TMTC2: variants seen among roughly 807,000 people sequenced by gnomAD.
TMTC2 encodes the protein transmembrane O-mannosyltransferase targeting cadherins 2.
In TMTC2, 43 loss-of-function variants were observed where a neutral mutation model predicts 82.4. The observed-to-expected ratio is 0.52, with a 90% CI of 0.41 to 0.67. The LOEUF is 0.67. Among genes scored for constraint, TMTC2 ranks in the 30% least tolerant of loss-of-function variants. TMTC2 has a pLI of 0.00. For synonymous variants in TMTC2, 408 were observed against 381.9 expected (o/e 1.07, Z -0.80); for missense variants, 919 against 1,012.4 (o/e 0.91, Z 1.25).
intron 9 of TMTC2, among the ~76,000 whole-genome samples, chr12:83,045,750 C>CACACACACACACA (rs1882093033): frequency 7.1e-6 from 1 of 140,070 alleles, no homozygotes; most frequent in Admixed American, 7.1e-5. Context: ...CACACACACA[C>CACACACACACACA]ACCAGGAGTG....
chr12:82,964,776 G>A (rs982255830), intron 4 of TMTC2, among the ~76,000 whole-genome samples: 2 of 152,082 alleles, frequency 1.3e-5, no homozygotes, highest in Non-Finnish European at 2.9e-5. Flanking sequence ...AAAGTTCAGT[G>A]GTGGTAAAAG....
chr12:82,735,968 G>GTC (rs1311143734), intron 1 of TMTC2, among the ~76,000 whole-genome samples: 7 of 93,560 alleles, frequency 7.5e-5, no homozygotes, highest in African/African-American at 3.0e-4. Context: ...GCGAGACTCC[G>GTC]TCACACACAC....
intron 1 of TMTC2, among the ~76,000 whole-genome samples, chr12:82,753,729 A>G (rs776037015): frequency 2.4e-4 from 37 of 152,326 alleles, no homozygotes; most frequent in Non-Finnish European, 3.4e-4. Flanking sequence ...GGGAGGCCCA[A>G]TTGATTATTG....
At chr12:82,860,261 C>G (rs1162946180) in intron 2 of TMTC2, among the ~76,000 whole-genome samples, 1 of 152,108 alleles carries the variant, frequency 6.6e-6, no homozygotes, top group African/African-American at 2.4e-5. Context: ...CGTGAACTAC[C>G]ACGTCCAGCC....
At chr12:82,901,618 C>T (rs571920397) in intron 3 of TMTC2, among the ~76,000 whole-genome samples, 1 of 152,036 alleles carries the variant, frequency 6.6e-6, no homozygotes, top group African/African-American at 2.4e-5. Context: ...CTCACCTCAC[C>T]TCCCAGCTTG....
chr12:82,988,066 A>G (rs1266374361), intron 8 of TMTC2, among the ~76,000 whole-genome samples: 1 of 152,188 alleles, frequency 6.6e-6, no homozygotes, highest in Non-Finnish European at 1.5e-5. Context: ...GGAATGCTGG[A>G]GTGAGGTGCA....
chr12:83,080,658 T>G (rs1478993457), intron 11 of TMTC2, among the ~76,000 whole-genome samples: 2 of 152,174 alleles, frequency 1.3e-5, no homozygotes, highest in South Asian at 4.1e-4. Flanking sequence ...CTACTTCATG[T>G]GTAACATTAC....
intron 11 of TMTC2, among the ~76,000 whole-genome samples, chr12:83,118,381 G>A (rs1048710973): frequency 2.6e-5 from 4 of 152,118 alleles, no homozygotes; most frequent in Non-Finnish European, 5.9e-5. Context: ...TAATCATAAA[G>A]CGATGCTGGA....
chr12:82,704,590 G>T (rs1873253714), intron 1 of TMTC2, among the ~76,000 whole-genome samples: 1 of 151,908 alleles, frequency 6.6e-6, no homozygotes, highest in African/African-American at 2.4e-5. Flanking sequence ...TTGAAAACTG[G>T]AATGGTAGTC....
intron 3 of TMTC2, among the ~76,000 whole-genome samples, chr12:82,928,168 T>A (rs980123930): frequency 2.0e-5 from 3 of 152,162 alleles, no homozygotes; most frequent in African/African-American, 7.2e-5. Context: ...TTTTTTTTAA[T>A]CATCTATATT....
At chr12:82,938,855 C>A (rs2137258623) in intron 4 of TMTC2, among the ~76,000 whole-genome samples, 1 of 152,130 alleles carries the variant, frequency 6.6e-6, no homozygotes, top group African/African-American at 2.4e-5. Flanking sequence ...TATTGCATTC[C>A]TCATGTCCTT....
rs201062571 is a variant in TMTC2 at position 82,934,580 on chromosome 12, A to G, written c.1598+4035A>G. On this transcript the variant is annotated intron_variant, in intron 4 of 11. Coordinates refer to ENST00000321196, the MANE Select transcript of TMTC2 (RefSeq NM_152588.3). ...AACTCATCCTTTTTTATGGCTGTGT[A>G]GTATTCTGTAGTGTATATGTGCCAC... Among the ~76,000 whole-genome samples, 10 of 152,272 alleles carry G rather than the reference A, an allele frequency of 6.6e-5. No homozygotes were observed. In the East Asian group the frequency reaches 1.7e-3, roughly 26 times the overall value.
chr12:83,039,024 C>T (rs751915282), intron 9 of TMTC2, among the ~76,000 whole-genome samples: 2 of 151,200 alleles, frequency 1.3e-5, no homozygotes, highest in African/African-American at 2.4e-5. Flanking sequence ...CTCTGCCCCC[C>T]GGGTTCAAGC....
rs1877380800 is a variant in TMTC2 at position 82,772,835 on chromosome 12, A to T, written c.84-84175A>T. Among the ~76,000 whole-genome samples, 3 of 152,080 alleles carry T rather than the reference A, an allele frequency of 2.0e-5. No homozygotes were observed. In the South Asian group the frequency reaches 6.2e-4, roughly 31 times the overall value. ...CGTTGGGTGCTTTTTTTCGCTAATGATCTGTGGAAATTATTTTGGTGTTGA... is the reference window on the plus strand; with the variant it reads ...CGTTGGGTGCTTTTTTTCGCTAATGTTCTGTGGAAATTATTTTGGTGTTGA... On this transcript the variant is annotated intron_variant, in intron 1 of 11. Transcript: ENST00000321196.
rs1870839038 is a variant in TMTC2, at chr12:82,849,131, G to A, written c.84-7879G>A. On this transcript the variant is annotated intron_variant, in intron 1 of 11. Transcript: ENST00000321196. ...ATGAGGGACCTTTGTGGAGAGGAGT[G>A]CTGGTATTAGAGTTACATTGCAGGA... 1.3e-5 allele frequency among the ~76,000 whole-genome samples: 2 copies of A among 152,046 alleles called. 1 individual carries two copies. The highest frequency in any genetic ancestry group is 4.1e-4 in the South Asian group (2 of 4,824).
At chr12:82,780,063 G>T (rs1877820833) in intron 1 of TMTC2, among the ~76,000 whole-genome samples, 1 of 152,106 alleles carries the variant, frequency 6.6e-6, no homozygotes, top group Non-Finnish European at 1.5e-5. Flanking sequence ...TTAATTACAG[G>T]AAAGATTATA....
At chr12:82,853,406 A>G (rs939349822) in intron 1 of TMTC2, among the ~76,000 whole-genome samples, 1 of 152,024 alleles carries the variant, frequency 6.6e-6, no homozygotes, top group Non-Finnish European at 1.5e-5. Flanking sequence ...CCCGGCCTCA[A>G]AGGTTTTTTT....
chr12:83,040,178 C>T (rs530853709), intron 9 of TMTC2, among the ~76,000 whole-genome samples: 8 of 152,272 alleles, frequency 5.3e-5, no homozygotes, highest in Admixed American at 5.2e-4. Flanking sequence ...CATTGAAGTC[C>T]CTATGACTAG....
intron 1 of TMTC2, among the ~76,000 whole-genome samples, chr12:82,702,419 C>T (rs1352546987): frequency 6.6e-6 from 1 of 152,142 alleles, no homozygotes; most frequent in Non-Finnish European, 1.5e-5. Flanking sequence ...TATTTTTAGA[C>T]TGTTCAGGTG....
Sources: allele counts gnomAD v4.1 joint callset (sites outside exome capture counted in the v4.1 genomes callset), GRCh38; gene constraint gnomAD v4.1.1; transcripts MANE v1.5; gene names NCBI Gene and HGNC (gene_info 2026-07-23, HGNC 2026-07-21).